Variants in MRM1 observed in about 807,000 individuals in gnomAD.
The protein encoded by MRM1 is rRNA methyltransferase 1, mitochondrial.
MRM1 carries 24 observed loss-of-function variants against 25.0 expected under a neutral mutation model. The observed-to-expected ratio is 0.96, with a 90% CI of 0.69 to 1.35. MRM1 has a LOEUF of 1.35. MRM1 is among the 40% of genes most tolerant of loss of function. The pLI is 0.00. For missense variants in MRM1, 431 were observed against 464.1 expected, an observed-to-expected ratio of 0.93 and a Z score of 0.65; for synonymous variants, 188 against 199.2, an observed-to-expected ratio of 0.94 and a Z score of 0.47.
At chr17:36,618,914 G>C in the MRM1 span, among the ~76,000 whole-genome samples, 2 of 152,190 alleles carry the variant, frequency 1.3e-5, no homozygotes, top group African/African-American at 4.8e-5. Context: ...CAGAATTGTG[G>C]CTTTTGTTGT....
chr17:36,606,136 C>T (rs992927509), intron 2 of MRM1, among the ~76,000 whole-genome samples: 2 of 152,184 alleles, frequency 1.3e-5, no homozygotes, highest in Non-Finnish European at 2.9e-5. Flanking sequence ...GCTTGCTGAT[C>T]TCTCTGCCTA....
the MRM1 span, among the ~76,000 whole-genome samples, chr17:36,618,322 T>G: frequency 6.6e-6 from 1 of 152,088 alleles, no homozygotes; most frequent in Admixed American, 6.5e-5. Flanking sequence ...GCTGGGGATA[T>G]AGCAGTGAGC....
Position 36,603,247 on chromosome 17 carries a change from A to G in MRM1, c.636+601A>G, listed in dbSNP as rs1025380365. On this transcript the variant is annotated intron_variant, in intron 2 of 4. Coordinates refer to ENST00000614766, the MANE Select transcript of MRM1 (RefSeq NM_024864.5). ...GGGAGAGCTCTGGGACCTGTCTAGAACAACGCTGTCCAATAAAAATATGGT... is the reference window on the plus strand; with the variant it reads ...GGGAGAGCTCTGGGACCTGTCTAGAGCAACGCTGTCCAATAAAAATATGGT... 6 of 984,292 alleles carry G rather than the reference A, an allele frequency of 6.1e-6. No homozygotes were observed. In the African/African-American group the frequency reaches 7.0e-5, roughly 11 times the overall value. The allele number at this position is 984,292 out of a possible 1,614,324, so 61.0% of individuals were successfully genotyped here.
chr17:36,605,153 A>AAGAG (rs35548352), intron 2 of MRM1, among the ~76,000 whole-genome samples: 50 of 145,206 alleles, frequency 3.4e-4, no homozygotes, highest in Admixed American at 2.5e-3. Context: ...AAAAAAAAAA[A>AAGAG]AGAGAGAGAG....
chr17:36,625,069 G>T, the MRM1 span, among the ~76,000 whole-genome samples: 3 of 152,332 alleles, frequency 2.0e-5, no homozygotes, highest in East Asian at 5.8e-4. Flanking sequence ...AAAAGGCTTT[G>T]TAAAGTCTCC....
chr17:36,603,303 A>G (rs2074898669), intron 2 of MRM1: 6 of 750,430 alleles, frequency 8.0e-6, no homozygotes, highest in Non-Finnish European at 9.8e-6. Flanking sequence ...TAGCTTTTCT[A>G]GTAGCCACAT....
the MRM1 span, among the ~76,000 whole-genome samples, chr17:36,633,576 A>G: frequency 6.6e-6 from 1 of 151,040 alleles, no homozygotes; most frequent in South Asian, 2.1e-4. Context: ...AGAGGAGAAG[A>G]GGAGGAGGAA....
At chr17:36,618,615 C>A in the MRM1 span, among the ~76,000 whole-genome samples, 1 of 152,086 alleles carries the variant, frequency 6.6e-6, no homozygotes, top group Non-Finnish European at 1.5e-5. Context: ...ATGGGACAGA[C>A]GGAGAGGTCA....
chr17:36,604,082 T>C (rs2074906716), intron 2 of MRM1, among the ~76,000 whole-genome samples: 1 of 152,244 alleles, frequency 6.6e-6, no homozygotes, highest in South Asian at 2.1e-4. Context: ...AGCAGGGGCC[T>C]GTGCTGGGGC....
At chr17:36,626,001 C>T in the MRM1 span, among the ~76,000 whole-genome samples, 1 of 152,076 alleles carries the variant, frequency 6.6e-6, no homozygotes, top group South Asian at 2.1e-4. Context: ...CCGCCGACCC[C>T]CCAACCTGAA....
the MRM1 span, among the ~76,000 whole-genome samples, chr17:36,614,151 C>T: frequency 2.0e-5 from 3 of 152,084 alleles, no homozygotes; most frequent in African/African-American, 7.2e-5. Flanking sequence ...AGAACGCCTC[C>T]TCCTCCCCTC....
chr17:36,631,693 G>A, the MRM1 span, among the ~76,000 whole-genome samples: 1 of 152,248 alleles, frequency 6.6e-6, no homozygotes. Context: ...GTTCATGTTA[G>A]GAGTCTGTCC....
chr17:36,606,915 GT>G (rs1277644878), intron 2 of MRM1, among the ~76,000 whole-genome samples: 11 of 137,910 alleles, frequency 8.0e-5, no homozygotes, highest in Admixed American at 7.3e-5. Flanking sequence ...CTGGTTTTTT[GT>G]TTTTTTTTTT....
chr17:36,625,391 GTCT>G, the MRM1 span, among the ~76,000 whole-genome samples: 13 of 109,330 alleles, frequency 1.2e-4, no homozygotes, highest in Admixed American at 7.9e-4. Flanking sequence ...TTCGCTCTTC[GTCT>G]TCTTTCTTCC....
the MRM1 span, among the ~76,000 whole-genome samples, chr17:36,621,944 G>A: frequency 1.3e-5 from 2 of 152,150 alleles, no homozygotes; most frequent in Non-Finnish European, 2.9e-5. Flanking sequence ...TCTCTGTGGT[G>A]TGTCTCTGTG....
chr17:36,619,581 T>C, the MRM1 span, among the ~76,000 whole-genome samples: 1 of 151,956 alleles, frequency 6.6e-6, no homozygotes, highest in East Asian at 1.9e-4. Context: ...GGCAGGAGAA[T>C]TGCTTGAACC....
At chr17:36,628,986 T>C in the MRM1 span, among the ~76,000 whole-genome samples, 1 of 151,912 alleles carries the variant, frequency 6.6e-6, no homozygotes, top group African/African-American at 2.4e-5. Context: ...TGAAACAGAT[T>C]GAGCAAGGCA....
Position 36,608,636 on chromosome 17 carries a change from A to C in MRM1, c.*221A>C, listed in dbSNP as rs1312344506. ...AGGACATGGTGATTTGTTAATTTCCATGGGAAGCCATGATGGCCTAGCATG... is the reference window on the plus strand; with the variant it reads ...AGGACATGGTGATTTGTTAATTTCCCTGGGAAGCCATGATGGCCTAGCATG... On this transcript the variant is annotated 3_prime_UTR_variant, in exon 5 of 5. Coordinates refer to ENST00000614766, the MANE Select transcript of MRM1 (RefSeq NM_024864.5). 4 of 404,508 alleles carry C rather than the reference A, an allele frequency of 9.9e-6. No homozygotes were observed. The highest frequency in any genetic ancestry group is 1.7e-5 in the Non-Finnish European group (4 of 230,322). 25.1% of individuals were successfully genotyped at this position (404,508 alleles called of 1,614,324 possible).
At chr17:36,619,906 G>A in the MRM1 span, among the ~76,000 whole-genome samples, 2 of 152,116 alleles carry the variant, frequency 1.3e-5, no homozygotes, top group Non-Finnish European at 2.9e-5. Context: ...ATGCGAGGCG[G>A]CATCTCCTTG....
Sources: allele counts gnomAD v4.1 joint callset (sites outside exome capture counted in the v4.1 genomes callset), GRCh38; gene constraint gnomAD v4.1.1; transcripts MANE v1.5; gene names NCBI Gene and HGNC (gene_info 2026-07-23, HGNC 2026-07-21).